The following C8orf34 variants were observed in gnomAD, a reference collection of about 807,000 sequenced individuals.
C8orf34 encodes chromosome 8 open reading frame 34.
Under a neutral mutation model 68.3 loss-of-function variants are expected in C8orf34, and 65 were observed. That is an observed-to-expected ratio of 0.95 (90% CI 0.78 to 1.17). C8orf34 has a LOEUF of 1.17. Among genes scored for constraint, C8orf34 ranks in the 50% most tolerant of loss-of-function variants. The pLI, the probability that C8orf34 is intolerant of heterozygous loss-of-function variation, is 0.00. For synonymous variants in C8orf34, 244 were observed against 241.2 expected (o/e 1.01, Z -0.11); for missense variants, 664 against 655.4 (o/e 1.01, Z -0.14).
At chr8:68,707,851 C>T (rs1366078704) in intron 8 of C8orf34, among the ~76,000 whole-genome samples, 1 of 152,162 alleles carries the variant, frequency 6.6e-6, no homozygotes, top group African/African-American at 2.4e-5. Context: ...TGTACCTTCT[C>T]TCTTTGATAT....
At chr8:68,448,540 G>T (rs1811214843) in intron 3 of C8orf34, among the ~76,000 whole-genome samples, 1 of 152,002 alleles carries the variant, frequency 6.6e-6, no homozygotes, top group African/African-American at 2.4e-5. Context: ...AGCACAAAAT[G>T]CTCAAATTAA....
intron 10 of C8orf34, among the ~76,000 whole-genome samples, chr8:68,761,268 T>G (rs1240821800): frequency 1.3e-5 from 2 of 152,186 alleles, no homozygotes; most frequent in Non-Finnish European, 2.9e-5. Flanking sequence ...AACAGAAATT[T>G]GGTATCAGAA....
chr8:68,652,286 G>T (rs1235596068), intron 8 of C8orf34, among the ~76,000 whole-genome samples: 1 of 152,168 alleles, frequency 6.6e-6, no homozygotes. Context: ...TGGTTGAGTT[G>T]TAAGAATTAT....
chr8:68,466,738 C>CGT (rs1812154692), intron 3 of C8orf34, among the ~76,000 whole-genome samples: 1 of 120,628 alleles, frequency 8.3e-6, no homozygotes, highest in Admixed American at 8.4e-5. Context: ...CAACGTTGTA[C>CGT]ATATATATAT....
chr8:68,650,483 T>TC (rs1280442680), intron 8 of C8orf34, among the ~76,000 whole-genome samples: 1 of 148,264 alleles, frequency 6.7e-6, no homozygotes, highest in African/African-American at 2.5e-5. Context: ...TAGTCTTTTT[T>TC]TTTTTTTTTT....
chr8:68,770,221 T>C (rs1823300670), intron 10 of C8orf34, among the ~76,000 whole-genome samples: 1 of 152,228 alleles, frequency 6.6e-6, no homozygotes, highest in African/African-American at 2.4e-5. Context: ...TCTGGTTCTA[T>C]TGTCAATACC....
At chr8:68,724,972 A>C (rs7828487) in intron 10 of C8orf34, among the ~76,000 whole-genome samples, 4,683 of 151,800 alleles carry the variant, frequency 0.031, 236 homozygotes, top group African/African-American at 0.11. Flanking sequence ...CATTCCTCCC[A>C]CCTCAGCACC....
At chr8:68,785,143 A>G (rs2953955) in intron 11 of C8orf34, among the ~76,000 whole-genome samples, 70,312 of 151,626 alleles carry the variant, frequency 0.46, 18,836 homozygotes, top group African/African-American at 0.74. Context: ...CCTGGAGGTT[A>G]AGGTGAGTCA....
intron 1 of C8orf34, among the ~76,000 whole-genome samples, chr8:68,402,857 A>G (rs1396413410): frequency 1.3e-5 from 2 of 152,194 alleles, no homozygotes; most frequent in Non-Finnish European, 2.9e-5. Flanking sequence ...TGAGAACTCC[A>G]TATGAATAAG....
At position 68,342,245 on chromosome 8, in the gene C8orf34, C is replaced by A. The variant is rs1429251815; in HGVS notation, c.327+10906C>A. Among the ~76,000 whole-genome samples the A allele has an allele frequency of 2.0e-5, 3 of 152,032 alleles. No individual in the cohort carries two copies. In the East Asian group the frequency reaches 5.8e-4, roughly 29 times the overall value. Reference sequence around the variant, plus strand: ...AATTTTAAAAAACAAAACTTAAAAACAAGGAAATTCTAAGGAAAGTTCTTA... The same window carrying A: ...AATTTTAAAAAACAAAACTTAAAAAAAAGGAAATTCTAAGGAAAGTTCTTA... On this transcript the variant is annotated intron_variant, in intron 1 of 13. Coordinates refer to ENST00000518698, the MANE Select transcript of C8orf34 (RefSeq NM_052958.4).
chr8:68,698,573 A>C (rs1378144065), intron 8 of C8orf34, among the ~76,000 whole-genome samples: 1 of 152,112 alleles, frequency 6.6e-6, no homozygotes, highest in African/African-American at 2.4e-5. Flanking sequence ...GGCAGCCTTC[A>C]GTTTCAGCAC....
At position 68,488,153 on chromosome 8, in the gene C8orf34, A is replaced by G. The variant is rs961627784; in HGVS notation, c.765+102A>G. On this transcript the variant is annotated intron_variant, in intron 5 of 13. Transcript: ENST00000518698. Reference sequence around the variant, plus strand: ...TTTCTGAAACATAAAATGTTCAAGTATAATTTATTTGGGCTAACATTTTAA... The same window carrying G: ...TTTCTGAAACATAAAATGTTCAAGTGTAATTTATTTGGGCTAACATTTTAA... 15 of 838,848 alleles carry G rather than the reference A, an allele frequency of 1.8e-5. No homozygotes were observed. In the African/African-American group the frequency reaches 2.3e-4, roughly 13 times the overall value. The allele number at this position is 838,848 out of a possible 1,614,324, so 52.0% of individuals were successfully genotyped here.
intron 1 of C8orf34, among the ~76,000 whole-genome samples, chr8:68,331,909 A>G (rs1263996859): frequency 6.9e-6 from 1 of 144,402 alleles, no homozygotes; most frequent in African/African-American, 2.6e-5. Context: ...AGTAGGCTTC[A>G]GTCGGTGCGG....
Position 68,678,876 on chromosome 8 carries a change from A to G in C8orf34, c.1242-30118A>G, listed in dbSNP as rs199983671. On this transcript the variant is annotated intron_variant, in intron 8 of 13. Transcript: ENST00000518698. ...CCACAACTGAAAAAAAAAAAAAAAAACTGTTAGAACTGATAAACAAAGTCA... is the reference window on the plus strand; with the variant it reads ...CCACAACTGAAAAAAAAAAAAAAAAGCTGTTAGAACTGATAAACAAAGTCA... 7.4e-5 allele frequency among the ~76,000 whole-genome samples: 11 copies of G among 147,910 alleles called. No individual in the cohort carries two copies. In the East Asian group the frequency reaches 2.1e-3, roughly 29 times the overall value.
chr8:68,780,160 C>A (rs1450080726), intron 11 of C8orf34, among the ~76,000 whole-genome samples: 1 of 152,158 alleles, frequency 6.6e-6, no homozygotes, highest in Non-Finnish European at 1.5e-5. Context: ...ACAATTTACA[C>A]TTATATGGAC....
At chr8:68,475,261 G>T (rs1812557040) in intron 4 of C8orf34, among the ~76,000 whole-genome samples, 1 of 152,158 alleles carries the variant, frequency 6.6e-6, no homozygotes, top group South Asian at 2.1e-4. Flanking sequence ...GTCCTCTTCT[G>T]GGGTAGATTT....
chr8:68,723,280 C>A (rs117618174), intron 10 of C8orf34, among the ~76,000 whole-genome samples: 1 of 152,030 alleles, frequency 6.6e-6, no homozygotes, highest in Non-Finnish European at 1.5e-5. Context: ...TTAGAAGCTA[C>A]GAGCATGTCC....
intron 5 of C8orf34, among the ~76,000 whole-genome samples, chr8:68,521,038 T>C (rs1215111065): frequency 6.6e-6 from 1 of 152,224 alleles, no homozygotes; most frequent in Non-Finnish European, 1.5e-5. Flanking sequence ...TCTTTGCCTG[T>C]AGCAAGTCTT....
chr8:68,499,701 T>A (rs1051265303), intron 5 of C8orf34, among the ~76,000 whole-genome samples: 2 of 152,130 alleles, frequency 1.3e-5, no homozygotes, highest in African/African-American at 4.8e-5. Flanking sequence ...AGGAGCAACT[T>A]TTCACTGGAG....
Sources: allele counts gnomAD v4.1 joint callset (sites outside exome capture counted in the v4.1 genomes callset), GRCh38; gene constraint gnomAD v4.1.1; transcripts MANE v1.5; gene names NCBI Gene and HGNC (gene_info 2026-07-23, HGNC 2026-07-21).